The following RAB1A variants were observed in gnomAD, a reference collection of about 807,000 sequenced individuals.
RAB1A encodes RAB1A, member RAS oncogene family.
In RAB1A, 2 loss-of-function variants were observed where a neutral mutation model predicts 26.0. The observed-to-expected ratio is 0.08, with a 90% CI of 0.03 to 0.24. The LOEUF (loss-of-function observed/expected upper bound fraction) is 0.24, where lower values mean the gene tolerates loss of function less well. Among genes scored for constraint, RAB1A ranks in the 10% least tolerant of loss-of-function variants. The probability of loss-of-function intolerance (pLI) is 1.00; values close to 1 mark genes in which losing one functional copy is unlikely to be tolerated. For synonymous variants in RAB1A, 84 were observed against 84.9 expected, an observed-to-expected ratio of 0.99 and a Z score of 0.06; for missense variants, 100 against 247.0, an observed-to-expected ratio of 0.40 and a Z score of 3.99.
intron 3 of RAB1A, among the ~76,000 whole-genome samples, chr2:65,096,502 C>G (rs1402799180): frequency 6.6e-6 from 1 of 152,134 alleles, no homozygotes; most frequent in East Asian, 1.9e-4. Flanking sequence ...CTTATAAACA[C>G]CAATGATCAC....
chr2:65,129,135 T>G (rs1042052426), intron 1 of RAB1A, among the ~76,000 whole-genome samples: 1 of 151,250 alleles, frequency 6.6e-6, no homozygotes, highest in Non-Finnish European at 1.5e-5. Context: ...AAGACATTTC[T>G]TGGCTTTAGT....
Position 65,087,027 on chromosome 2 carries a change from C to T in RAB1A, c.*1466G>A, listed in dbSNP as rs1173500852. The T allele has an allele frequency of 6.6e-6, 1 of 152,152 alleles. No individual in the cohort carries two copies. Among genetic ancestry groups the T allele is most frequent in the African/African-American group, 2.4e-5 (1 of 41,412 alleles). The allele number at this position is 152,152 out of a possible 1,614,324, so 9.4% of individuals were successfully genotyped here. ...CTATTCATTTTTGGCTTGTGTTTAG[C>T]TTAAATTTTATCATTAAATTAAGGA... is the stretch of plus-strand genomic sequence containing the variant. On this transcript the variant is annotated 3_prime_UTR_variant, in exon 6 of 6. Coordinates refer to ENST00000409784, the MANE Select transcript of RAB1A (RefSeq NM_004161.5).
intron 1 of RAB1A, among the ~76,000 whole-genome samples, chr2:65,121,792 C>CGG (rs74778306): frequency 2.7e-4 from 41 of 151,862 alleles, no homozygotes; most frequent in East Asian, 9.7e-4. Context: ...AAGCGGGGGC[C>CGG]GGGGGGGAGT....
chr2:65,104,606 T>C, intron 2 of RAB1A, 128 bp downstream of exon 2: 1 of 706,842 alleles, frequency 1.4e-6, no homozygotes, highest in Non-Finnish European at 2.4e-6. Context: ...ATATTTGGAG[T>C]CTTTAAATAT....
chr2:65,088,721 G>GA lies in RAB1A; in HGVS notation c.421-32dup, dbSNP rs763640375. The GA allele has an allele frequency of 3.6e-4, 557 of 1,537,682 alleles. 3 individuals are homozygous for GA. The highest frequency in any genetic ancestry group is 2.9e-3 in the Admixed American group (147 of 50,134). Reference sequence around the variant, plus strand: ...AGAATAATGAGGCACAATTAACACTGAAAAATCTTTTTCACTAATTCTTAG... The same window carrying GA: ...AGAATAATGAGGCACAATTAACACTGAAAAAATCTTTTTCACTAATTCTTAG... On this transcript the variant is annotated intron_variant, in intron 5 of 5. Transcript: ENST00000409784.
intron 1 of RAB1A, among the ~76,000 whole-genome samples, chr2:65,127,094 C>G (rs191741754): frequency 1.2e-4 from 18 of 152,222 alleles, no homozygotes; most frequent in Admixed American, 1.0e-3. Flanking sequence ...GCCAGATACC[C>G]ATGTATTTGA....
intron 1 of RAB1A, among the ~76,000 whole-genome samples, chr2:65,128,431 T>G (rs1210904407): frequency 1.3e-5 from 2 of 152,298 alleles, no homozygotes; most frequent in East Asian, 3.9e-4. Flanking sequence ...CGTTCAACTG[T>G]GCAAAACCAA....
At chr2:65,119,551 ACT>A (rs1218691968) in intron 1 of RAB1A, among the ~76,000 whole-genome samples, 1 of 137,042 alleles carries the variant, frequency 7.3e-6, no homozygotes, top group East Asian at 2.1e-4. Flanking sequence ...ACAGAGCTAG[ACT>A]CTGTCTCAAA....
At chr2:65,103,294 T>A (rs1669474832) in intron 2 of RAB1A, among the ~76,000 whole-genome samples, 1 of 6,450 alleles carries the variant, frequency 1.6e-4, no homozygotes, top group African/African-American at 5.7e-4. Flanking sequence ...AGCCAGAATC[T>A]GTCTCAAAAA....
intron 3 of RAB1A, among the ~76,000 whole-genome samples, chr2:65,094,516 G>A (rs1477323174): frequency 2.6e-5 from 4 of 151,618 alleles, no homozygotes; most frequent in Admixed American, 1.3e-4. Context: ...CCTGGGAGGC[G>A]GAGGTTGCAG....
chr2:65,099,606 C>CT (rs1669371118), intron 2 of RAB1A, among the ~76,000 whole-genome samples: 1 of 152,130 alleles, frequency 6.6e-6, no homozygotes, highest in African/African-American at 2.4e-5. Flanking sequence ...AAACAAGAAA[C>CT]TAAGTTTTTG....
chr2:65,104,478 C>G (rs993559237), intron 2 of RAB1A, among the ~76,000 whole-genome samples: 11 of 152,196 alleles, frequency 7.2e-5, no homozygotes, highest in African/African-American at 2.4e-4. Context: ...ATTGGAACTG[C>G]TGTTTGACTC....
At chr2:65,116,543 A>AACATCTAGCACATACTGTCTGGC (rs1353323253) in intron 1 of RAB1A, among the ~76,000 whole-genome samples, 1 of 152,206 alleles carries the variant, frequency 6.6e-6, no homozygotes, top group Admixed American at 6.5e-5. Context: ...ACGTTTCTGA[A>AACATCTAGCACATACTGTCTGGC]ACATCTAGCA....
rs576668180 is a variant in RAB1A, at chr2:65,096,406, A to T, written c.192+1565T>A. On this transcript the variant is annotated intron_variant, in intron 3 of 5. Coordinates refer to ENST00000409784, the MANE Select transcript of RAB1A (RefSeq NM_004161.5). ...TATTAAAGATGAAAGACAGACAAAG[A>T]TGAAAGACAGTGTCCTATAAGATCC... is the stretch of plus-strand genomic sequence containing the variant. Among the ~76,000 whole-genome samples the T allele has an allele frequency of 3.3e-5, 5 of 152,318 alleles. No homozygotes were observed. In the East Asian group the frequency reaches 7.7e-4, roughly 23 times the overall value.
chr2:65,111,462 C>T (rs1044158281), intron 1 of RAB1A, among the ~76,000 whole-genome samples: 11 of 151,392 alleles, frequency 7.3e-5, no homozygotes, highest in Admixed American at 3.3e-4. Flanking sequence ...GTCAAGATAA[C>T]GAAAAAGAAG....
At chr2:65,101,171 T>G (rs1669417902) in intron 2 of RAB1A, among the ~76,000 whole-genome samples, 1 of 150,338 alleles carries the variant, frequency 6.7e-6, no homozygotes, top group Non-Finnish European at 1.5e-5. Flanking sequence ...AAGAAAGAAA[T>G]GCTGAATTCT....
At chr2:65,108,588 C>T (rs1318746632) in intron 1 of RAB1A, among the ~76,000 whole-genome samples, 2 of 152,048 alleles carry the variant, frequency 1.3e-5, no homozygotes, top group African/African-American at 4.8e-5. Context: ...AGGTGGATCA[C>T]CTGAGGTTGG....
rs751246247 is a variant in RAB1A, at chr2:65,122,974, C to CAAA, written c.23+6916_23+6918dup. ...CAACAGAACAAGACTCCGTCTCAGACAAAAAAAAAAAAAAAAAAAAAGCAA... is the reference window on the plus strand; with the variant it reads ...CAACAGAACAAGACTCCGTCTCAGACAAAAAAAAAAAAAAAAAAAAAAAAGCAA... On this transcript the variant is annotated intron_variant, in intron 1 of 5. Transcript: ENST00000409784. Among the ~76,000 whole-genome samples the CAAA allele has an allele frequency of 8.4e-4, 29 of 34,616 alleles. 1 individual carries two copies. The highest frequency in any genetic ancestry group is 1.3e-3 in the African/African-American group (10 of 7,950). 22.7% of individuals were successfully genotyped at this position (34,616 alleles called of 152,430 possible).
chr2:65,125,363 C>T (rs972898608), intron 1 of RAB1A, among the ~76,000 whole-genome samples: 1 of 151,518 alleles, frequency 6.6e-6, no homozygotes, highest in Non-Finnish European at 1.5e-5. Flanking sequence ...CCACTGGAAG[C>T]CAGTGGATTA....
Sources: gnomAD v4.1 joint callset for allele counts (sites outside exome capture counted in the v4.1 genomes callset) on GRCh38, gnomAD v4.1.1 for gene constraint, MANE v1.5 for transcripts, NCBI Gene and HGNC (gene_info 2026-07-23, HGNC 2026-07-21) for gene names.